Variants in NUP210L observed in about 807,000 individuals in gnomAD.
The protein encoded by NUP210L is nucleoporin 210 like.
NUP210L carries 74 observed loss-of-function variants against 208.5 expected under a neutral mutation model. That is an observed-to-expected ratio of 0.35 (90% CI 0.29 to 0.43). The LOEUF is 0.43. NUP210L is among the 20% of genes least tolerant of loss of function. NUP210L has a pLI of 1.00. For missense variants in NUP210L, 1,843 were observed against 2,289.4 expected (o/e 0.81, Z 3.98); for synonymous variants, 780 against 816.9 (o/e 0.95, Z 0.77).
At chr1:154,010,467 G>C (rs1017912800) in intron 34 of NUP210L, among the ~76,000 whole-genome samples, 1 of 152,036 alleles carries the variant, frequency 6.6e-6, no homozygotes, top group Non-Finnish European at 1.5e-5. Context: ...TCCATCTCCC[G>C]GTTCAGGCAA....
At chr1:154,138,439 T>C (rs974956947) in intron 5 of NUP210L, among the ~76,000 whole-genome samples, 1 of 152,160 alleles carries the variant, frequency 6.6e-6, no homozygotes, top group African/African-American at 2.4e-5. Flanking sequence ...TTATTAACTT[T>C]CTAAGATACT....
chr1:153,997,193 A>G (rs1209567018), intron 37 of NUP210L, among the ~76,000 whole-genome samples: 1 of 149,640 alleles, frequency 6.7e-6, no homozygotes, highest in African/African-American at 2.5e-5. Flanking sequence ...CGAACTCCTC[A>G]CCTCAGGTGA....
intron 14 of NUP210L, among the ~76,000 whole-genome samples, chr1:154,097,621 C>A (rs541221848): frequency 1.3e-5 from 2 of 152,252 alleles, no homozygotes; most frequent in South Asian, 2.1e-4. Context: ...TACAATGAGG[C>A]CAACTTAAAA....
intron 14 of NUP210L, among the ~76,000 whole-genome samples, chr1:154,095,413 C>T (rs1474756946): frequency 6.6e-6 from 1 of 152,144 alleles, no homozygotes; most frequent in South Asian, 2.1e-4. Flanking sequence ...CTTCTGCATC[C>T]TCTAAGCTCT....
At chr1:154,127,282 G>T in intron 9 of NUP210L, 29 bp downstream of exon 9, 2 of 1,102,864 alleles carry the variant, frequency 1.8e-6, no homozygotes, top group Non-Finnish European at 2.8e-6. Context: ...CCTACAAGGA[G>T]CTCAGAAAAA....
chr1:154,121,480 G>A (rs1165711917), intron 10 of NUP210L, among the ~76,000 whole-genome samples: 1 of 152,082 alleles, frequency 6.6e-6, no homozygotes, highest in Non-Finnish European at 1.5e-5. Flanking sequence ...CTTAGGATTG[G>A]TCTGAATAAC....
At chr1:154,034,844 T>TCTC in intron 27 of NUP210L, among the ~76,000 whole-genome samples, 1 of 72,844 alleles carries the variant, frequency 1.4e-5, no homozygotes, top group East Asian at 4.1e-4. Flanking sequence ...TCTCTCTCTC[T>TCTC]TTTTTTTTTT....
chr1:154,054,759 T>G lies in NUP210L; in HGVS notation c.3303+11A>C. ...AAAGGTAAATCTTATTTTTTCTGCC[T>G]GTAAGTTCACCTGCATCATATTCAT... On this transcript the variant is annotated intron_variant, in intron 24 of 39. Coordinates refer to ENST00000368559, the Ensembl canonical transcript of NUP210L. 6.3e-7 allele frequency: 1 copy of G among 1,596,998 alleles called. No individual in the cohort carries two copies. The highest frequency in any genetic ancestry group is 8.6e-7 in the Non-Finnish European group (1 of 1,164,412).
chr1:154,074,036 G>GA (rs2148018424), intron 16 of NUP210L, among the ~76,000 whole-genome samples: 1 of 149,196 alleles, frequency 6.7e-6, no homozygotes, highest in South Asian at 2.1e-4. Flanking sequence ...TTTTGTCGTT[G>GA]TTTTTTGTTT....
At chr1:154,152,766 G>A (rs1309455318) in exon 2 of NUP210L, 1 of 1,614,030 alleles carries the variant, frequency 6.2e-7, no homozygotes, top group Admixed American at 1.7e-5. Context: ...ATACTGCTGA[G>A]GCGTATCGGT....
rs1195738098 is a variant in NUP210L, at chr1:153,996,582, T to C, written c.5387-1402A>G. ...CATTACAGGTGCCCACCACCATGCC[T>C]GGCTAATTTTCGTATTTTTAGTAGG... On this transcript the variant is annotated intron_variant, in intron 37 of 39. Transcript: ENST00000368559. 2.0e-5 allele frequency among the ~76,000 whole-genome samples: 3 copies of C among 151,986 alleles called. No homozygotes were observed. The East Asian group carries it at 5.9e-4, about 30-fold the overall frequency.
chr1:154,022,813 G>A (rs1352054954), intron 31 of NUP210L, among the ~76,000 whole-genome samples: 1 of 151,400 alleles, frequency 6.6e-6, no homozygotes, highest in African/African-American at 2.4e-5. Context: ...TAGTAGCTGG[G>A]ACTACAGGCA....
chr1:154,058,681 G>A (rs1653995092), exon 21 of NUP210L: 2 of 1,613,420 alleles, frequency 1.2e-6, no homozygotes, highest in East Asian at 4.5e-5. Flanking sequence ...AATCCAGGAT[G>A]TAATGGAACT....
chr1:154,060,818 G>T, intron 19 of NUP210L, 124 bp downstream of exon 19: 1 of 756,138 alleles, frequency 1.3e-6, no homozygotes, highest in Non-Finnish European at 2.2e-6. Flanking sequence ...TATTATATAT[G>T]TGTTTTACAT....
intron 35 of NUP210L, among the ~76,000 whole-genome samples, chr1:154,006,966 A>ATATATATATATATATTATTT (rs1211789619): frequency 8.6e-6 from 1 of 115,810 alleles, no homozygotes; most frequent in African/African-American, 3.3e-5. Context: ...ATATATATAT[A>ATATATATATATATATTATTT]TTTTTTTTTT....
intron 37 of NUP210L, chr1:153,996,080 C>G (rs933864727): frequency 3.1e-5 from 10 of 327,246 alleles, no homozygotes; most frequent in African/African-American, 2.2e-4. Context: ...ATCACAAGGT[C>G]AGGAGATCAA....
chr1:154,100,559 C>T (rs1281379990), intron 13 of NUP210L, among the ~76,000 whole-genome samples: 1 of 141,916 alleles, frequency 7.0e-6, no homozygotes, highest in African/African-American at 2.6e-5. Flanking sequence ...GCTCTTGTTG[C>T]CCAGGCTGGA....
exon 11 of NUP210L, chr1:154,118,754 T>A (rs1348473191): frequency 3.8e-6 from 6 of 1,594,484 alleles, no homozygotes; most frequent in African/African-American, 1.3e-5. Context: ...GGAAAATAAA[T>A]CTTCACTTCT....
intron 35 of NUP210L, among the ~76,000 whole-genome samples, chr1:154,009,250 T>G (rs1650756310): frequency 6.6e-6 from 1 of 152,072 alleles, no homozygotes; most frequent in South Asian, 2.1e-4. Flanking sequence ...CATTTTTAGA[T>G]AAGCTGATTT....
Sources: gnomAD v4.1 joint callset for allele counts (sites outside exome capture counted in the v4.1 genomes callset) on GRCh38, gnomAD v4.1.1 for gene constraint, MANE v1.5 for transcripts, NCBI Gene and HGNC (gene_info 2026-07-23, HGNC 2026-07-21) for gene names.